KCNQ3: variants seen among roughly 807,000 people sequenced by gnomAD.
KCNQ3 encodes potassium voltage-gated channel subfamily KQT member 3.
In KCNQ3, 30 loss-of-function variants were observed where a neutral mutation model predicts 92.5. The observed-to-expected ratio is 0.32, with a 90% confidence interval of 0.24 to 0.44. KCNQ3 has a LOEUF of 0.44. Among genes scored for constraint, KCNQ3 ranks in the 20% least tolerant of loss-of-function variants. KCNQ3 has a pLI of 1.00. For missense variants in KCNQ3, 913 were observed against 1,140.3 expected (o/e 0.80, Z 2.87); for synonymous variants, 450 against 468.8 (o/e 0.96, Z 0.52).
chr8:132,361,949 C>T (rs1013251027), intron 1 of KCNQ3, among the ~76,000 whole-genome samples: 5 of 151,918 alleles, frequency 3.3e-5, no homozygotes, highest in Non-Finnish European at 4.4e-5. Context: ...AGTATAAAGC[C>T]ATTAACATTA....
intron 14 of KCNQ3, among the ~76,000 whole-genome samples, chr8:132,131,247 A>G (rs558595423): frequency 6.6e-6 from 1 of 152,356 alleles, no homozygotes; most frequent in Non-Finnish European, 1.5e-5. Flanking sequence ...CACGGGTCCC[A>G]TTTAGGGTTT....
At chr8:132,241,179 G>A (rs531303879) in intron 1 of KCNQ3, among the ~76,000 whole-genome samples, 54 of 152,176 alleles carry the variant, frequency 3.5e-4, no homozygotes, top group Admixed American at 2.7e-3. Flanking sequence ...GTGAGCCACC[G>A]TGCCCAGCCT....
chr8:132,180,638 G>A (rs1207053659), intron 3 of KCNQ3, among the ~76,000 whole-genome samples: 1 of 152,102 alleles, frequency 6.6e-6, no homozygotes, highest in African/African-American at 2.4e-5. Flanking sequence ...CCCGCAGTGT[G>A]GTCCTTGAGA....
intron 1 of KCNQ3, among the ~76,000 whole-genome samples, chr8:132,237,515 C>T (rs1291525493): frequency 6.6e-6 from 1 of 152,182 alleles, no homozygotes; most frequent in Non-Finnish European, 1.5e-5. Flanking sequence ...ATCCATCTGG[C>T]CCTAGTTTTT....
intron 9 of KCNQ3, among the ~76,000 whole-genome samples, chr8:132,148,508 C>G (rs1463987862): frequency 6.6e-6 from 1 of 152,212 alleles, no homozygotes; most frequent in Non-Finnish European, 1.5e-5. Context: ...CCAAATAACT[C>G]CTATCCTTTG....
intron 1 of KCNQ3, among the ~76,000 whole-genome samples, chr8:132,319,734 C>T (rs188963281): frequency 6.6e-6 from 1 of 152,354 alleles, no homozygotes; most frequent in East Asian, 1.9e-4. Flanking sequence ...ATCCTTGGAT[C>T]ACTGACGCAG....
intron 9 of KCNQ3, among the ~76,000 whole-genome samples, chr8:132,154,389 C>G (rs1825743735): frequency 6.6e-6 from 1 of 151,928 alleles, no homozygotes; most frequent in Non-Finnish European, 1.5e-5. Context: ...GCAACTGGAG[C>G]CTTGGGCAAT....
At chr8:132,369,661 G>T (rs910870500) in intron 1 of KCNQ3, among the ~76,000 whole-genome samples, 1 of 152,026 alleles carries the variant, frequency 6.6e-6, no homozygotes, top group South Asian at 2.1e-4. Flanking sequence ...AGTTCCCAAT[G>T]ATGAGGAACT....
intron 9 of KCNQ3, among the ~76,000 whole-genome samples, chr8:132,156,288 A>G (rs1477779822): frequency 6.6e-6 from 1 of 151,876 alleles, no homozygotes; most frequent in African/African-American, 2.4e-5. Context: ...CAGCATTATT[A>G]TGATTTCCAC....
At chr8:132,149,977 T>G (rs1194529395) in intron 9 of KCNQ3, among the ~76,000 whole-genome samples, 1 of 152,150 alleles carries the variant, frequency 6.6e-6, no homozygotes, top group Non-Finnish European at 1.5e-5. Flanking sequence ...CTTCCCCCAG[T>G]CATCCTTTTC....
intron 1 of KCNQ3, among the ~76,000 whole-genome samples, chr8:132,398,928 G>A (rs1036104970): frequency 6.6e-6 from 1 of 152,218 alleles, no homozygotes; most frequent in Non-Finnish European, 1.5e-5. Context: ...GGCTGCAGTG[G>A]TGAGCCCAGG....
chr8:132,401,207 A>G (rs1277572090), intron 1 of KCNQ3, among the ~76,000 whole-genome samples: 2 of 152,164 alleles, frequency 1.3e-5, no homozygotes, highest in East Asian at 3.9e-4. Context: ...GAATCCTCCC[A>G]GCTGATAGGC....
chr8:132,155,056 G>A (rs185761409), intron 9 of KCNQ3, among the ~76,000 whole-genome samples: 6 of 152,274 alleles, frequency 3.9e-5, no homozygotes, highest in East Asian at 1.9e-4. Context: ...CTGTTCTCTC[G>A]TTTCTGGTAG....
intron 1 of KCNQ3, among the ~76,000 whole-genome samples, chr8:132,282,942 A>G (rs561954035): frequency 6.6e-6 from 1 of 152,278 alleles, no homozygotes; most frequent in African/African-American, 2.4e-5. Context: ...GATACGAGAG[A>G]GTGAAGGAAG....
chr8:132,474,724 G>C (rs772047080), intron 1 of KCNQ3, among the ~76,000 whole-genome samples: 2 of 152,096 alleles, frequency 1.3e-5, no homozygotes, highest in Non-Finnish European at 2.9e-5. Context: ...TAAGGTTACA[G>C]GAGAATAAGC....
chr8:132,371,004 C>G (rs1454953926), intron 1 of KCNQ3, among the ~76,000 whole-genome samples: 1 of 152,204 alleles, frequency 6.6e-6, no homozygotes, highest in South Asian at 2.1e-4. Flanking sequence ...AACCACTACT[C>G]TAGGGTTCTG....
intron 1 of KCNQ3, among the ~76,000 whole-genome samples, chr8:132,266,525 T>C (rs1041288105): frequency 6.6e-6 from 1 of 152,198 alleles, no homozygotes; most frequent in Non-Finnish European, 1.5e-5. Flanking sequence ...AATCCCAGCC[T>C]GCCTTGCATA....
At chr8:132,178,490 T>C (rs974885932) in intron 4 of KCNQ3, among the ~76,000 whole-genome samples, 2 of 152,196 alleles carry the variant, frequency 1.3e-5, no homozygotes, top group Non-Finnish European at 2.9e-5. Context: ...ACCTATGACT[T>C]ACCAGGCACT....
chr8:132,389,387 G>A (rs11997889), intron 1 of KCNQ3, among the ~76,000 whole-genome samples: 1,714 of 152,300 alleles, frequency 0.011, 25 homozygotes, highest in African/African-American at 0.039. Context: ...AGCCAGCAGC[G>A]AGCTGAGATT....
Sources: gnomAD v4.1 joint callset for allele counts (sites outside exome capture counted in the v4.1 genomes callset) on GRCh38, gnomAD v4.1.1 for gene constraint, MANE v1.5 for transcripts, NCBI Gene and HGNC (gene_info 2026-07-23, HGNC 2026-07-21) for gene names.